The following EPC1 variants were observed in gnomAD, a reference collection of about 807,000 sequenced individuals.
EPC1 encodes the protein enhancer of polycomb homolog 1.
A neutral mutation model predicts 98.4 loss-of-function variants in EPC1; 12 were observed. The observed-to-expected ratio is 0.12, with a 90% CI of 0.08 to 0.20. EPC1 has a LOEUF of 0.20. Ranked by LOEUF, EPC1 falls within the 10% of genes least tolerant of loss-of-function variation. The probability of loss-of-function intolerance (pLI) is 1.00; values close to 1 mark genes in which losing one functional copy is unlikely to be tolerated. For missense variants in EPC1, 729 were observed against 990.5 expected (o/e 0.74, Z 3.54); for synonymous variants, 357 against 363.9 (o/e 0.98, Z 0.21).
At chr10:32,373,524 A>G (rs1839807665) in intron 1 of EPC1, among the ~76,000 whole-genome samples, 1 of 152,174 alleles carries the variant, frequency 6.6e-6, no homozygotes, top group African/African-American at 2.4e-5. Flanking sequence ...AGTTAAACCA[A>G]TCCTGGTAAT....
At chr10:32,283,069 T>G (rs1037579206) in intron 10 of EPC1, 7 of 152,190 alleles carry the variant, frequency 4.6e-5, no homozygotes, top group African/African-American at 1.4e-4. Context: ...TTCCAGCTGA[T>G]TTCTGAATTG....
Position 32,284,979 on chromosome 10 carries a change from G to A in EPC1, c.1463C>T (p.Ser488Leu). ...CTGATTGACTGGAGAATGTTGTGGT[G>A]AGGAAAGCATTTCCAAATCCAGATG... ...FHHLDLEMLS[S>L]PQHSPVNQFA... The change falls in exon 10 of 14, where the codon TCA becomes TTA. Residue 488 changes from serine to leucine, a missense_variant. Coordinates refer to ENST00000319778, the MANE Select transcript of EPC1 (RefSeq NM_001272004.3). 1 of 1,614,196 alleles carries A rather than the reference G, an allele frequency of 6.2e-7. No homozygotes were observed. The highest frequency in any genetic ancestry group is 8.5e-7 in the Non-Finnish European group (1 of 1,180,042).
In EPC1 at chr10:32,287,137, C is replaced by T. The variant is rs1191643117; in HGVS notation, c.1113G>A (p.Gln371=). 7 of 1,614,156 alleles carry T rather than the reference C, an allele frequency of 4.3e-6. No individual in the cohort carries two copies. Among genetic ancestry groups the T allele is most frequent in the Non-Finnish European group, 5.9e-6 (7 of 1,180,034 alleles). ...LPVFNAKDLN[Q]YDFPSSDEEP... is the part of the protein sequence containing the mutation. ...CTTCGTCTGAGCTGGGAAAGTCATA[C>T]TGATTCAGATCTTTAGCATTGAAGA... Residue 371 remains glutamine, a synonymous_variant, in exon 7 of 14, where the codon CAG becomes CAA. Coordinates refer to ENST00000319778, the MANE Select transcript of EPC1 (RefSeq NM_001272004.3).
At chr10:32,343,360 G>A (rs915432023) in intron 1 of EPC1, among the ~76,000 whole-genome samples, 2 of 152,152 alleles carry the variant, frequency 1.3e-5, no homozygotes, top group Non-Finnish European at 2.9e-5. Flanking sequence ...ACAGGCAGCT[G>A]CCACCACGGC....
At chr10:32,283,817 T>TG (rs1347348178) in intron 10 of EPC1, 1 of 152,154 alleles carries the variant, frequency 6.6e-6, no homozygotes, top group African/African-American at 2.4e-5. Context: ...GGACTGCAAT[T>TG]GGGGGGTGCC....
intron 10 of EPC1, among the ~76,000 whole-genome samples, chr10:32,279,220 G>C (rs772314341): frequency 3.9e-5 from 6 of 151,958 alleles, no homozygotes; most frequent in Non-Finnish European, 8.8e-5. Flanking sequence ...GTGGTGGCAC[G>C]CACCTGTAGT....
intron 6 of EPC1, among the ~76,000 whole-genome samples, chr10:32,290,505 A>AAAAAAAAGAAAG (rs1554819136): frequency 3.6e-4 from 28 of 77,500 alleles, no homozygotes; most frequent in African/African-American, 1.3e-3. Flanking sequence ...AAAAAAAAAA[A>AAAAAAAAGAAAG]AAAGAAAGAA....
At chr10:32,294,978 T>C (rs1159558901) in intron 2 of EPC1, among the ~76,000 whole-genome samples, 2 of 152,146 alleles carry the variant, frequency 1.3e-5, no homozygotes, top group African/African-American at 2.4e-5. Context: ...CAAATGCCTA[T>C]TTATTCTTTT....
At chr10:32,289,088 TA>T (rs201575265) in intron 6 of EPC1, among the ~76,000 whole-genome samples, 11 of 146,554 alleles carry the variant, frequency 7.5e-5, no homozygotes, top group African/African-American at 7.5e-5. Flanking sequence ...GACTCTGCCT[TA>T]AAAAAAAAAG....
chr10:32,335,051 T>C (rs188071083), intron 1 of EPC1, among the ~76,000 whole-genome samples: 1 of 152,320 alleles, frequency 6.6e-6, no homozygotes, highest in African/African-American at 2.4e-5. Flanking sequence ...AGGTACTCCT[T>C]GGAGTTCAAG....
chr10:32,293,207 C>A lies in EPC1; in HGVS notation c.460-13G>T. The A allele has an allele frequency of 6.3e-7, 1 of 1,590,382 alleles. No individual in the cohort carries two copies. Among genetic ancestry groups the A allele is most frequent in the Non-Finnish European group, 8.6e-7 (1 of 1,161,986 alleles). On this transcript the variant is annotated splice_polypyrimidine_tract_variant and intron_variant, in intron 3 of 13. Transcript: ENST00000319778. ...GCAGACTGACTGGCTAAATGTAAAACCATTATGTCATTTTCATACAATACA... is the reference window on the plus strand; with the variant it reads ...GCAGACTGACTGGCTAAATGTAAAAACATTATGTCATTTTCATACAATACA...
exon 1 of EPC1, chr10:32,378,563 C>T: frequency 8.5e-7 from 1 of 1,180,548 alleles, no homozygotes; most frequent in Non-Finnish European, 1.2e-6. Flanking sequence ...ACTTGTGTCC[C>T]TAGAAACAAC....
intron 10 of EPC1, chr10:32,283,473 G>T (rs1836512655): frequency 6.6e-6 from 1 of 152,036 alleles, no homozygotes; most frequent in South Asian, 2.1e-4. Flanking sequence ...CACACCCAGT[G>T]AATTTCTGCA....
chr10:32,345,956 G>A (rs796485254), intron 1 of EPC1, among the ~76,000 whole-genome samples: 4 of 152,228 alleles, frequency 2.6e-5, no homozygotes, highest in African/African-American at 9.6e-5. Context: ...AGAAGAGAGA[G>A]GTACTCCAAA....
chr10:32,328,404 A>C (rs1837431549), intron 1 of EPC1, among the ~76,000 whole-genome samples: 1 of 152,236 alleles, frequency 6.6e-6, no homozygotes, highest in African/African-American at 2.4e-5. Flanking sequence ...GTTTTTAGAC[A>C]CATTACAAGC....
intron 6 of EPC1, among the ~76,000 whole-genome samples, chr10:32,289,870 T>A (rs567146241): frequency 1.3e-5 from 2 of 152,212 alleles, no homozygotes; most frequent in Admixed American, 1.3e-4. Context: ...GTGATCCGCC[T>A]GCCTCGGCTT....
chr10:32,346,248 G>C (rs1475609798), intron 1 of EPC1, among the ~76,000 whole-genome samples: 1 of 152,194 alleles, frequency 6.6e-6, no homozygotes, highest in African/African-American at 2.4e-5. Flanking sequence ...AAGCTTCCCA[G>C]ACCATGGGGC....
At chr10:32,309,127 C>T (rs1004401807) in intron 1 of EPC1, among the ~76,000 whole-genome samples, 1 of 151,892 alleles carries the variant, frequency 6.6e-6, no homozygotes. Flanking sequence ...TAGAAGGGTA[C>T]TGGGGAGGGG....
chr10:32,273,636 C>G (rs1835944109), intron 10 of EPC1, among the ~76,000 whole-genome samples: 1 of 152,004 alleles, frequency 6.6e-6, no homozygotes, highest in Non-Finnish European at 1.5e-5. Context: ...ATTTGGAATT[C>G]AGCTTTGCAC....
Sources: gnomAD v4.1 joint callset for allele counts (sites outside exome capture counted in the v4.1 genomes callset) on GRCh38, gnomAD v4.1.1 for gene constraint, MANE v1.5 for transcripts, NCBI Gene and HGNC (gene_info 2026-07-23, HGNC 2026-07-21) for gene names.